The following PRPF38A variants were observed in gnomAD, a reference collection of about 807,000 sequenced individuals.
PRPF38A encodes the protein pre-mRNA-splicing factor 38A.
A neutral mutation model predicts 46.8 loss-of-function variants in PRPF38A; 11 were observed. The observed-to-expected ratio is 0.24, with a 90% confidence interval of 0.15 to 0.39. The LOEUF is 0.39. PRPF38A is among the 10% of genes least tolerant of loss of function. The pLI is 1.00. For synonymous variants in PRPF38A, 124 were observed against 136.2 expected (o/e 0.91, Z 0.62); for missense variants, 261 against 407.5 (o/e 0.64, Z 3.10).
At chr1:52,414,909 A>T in intron 8 of PRPF38A, 50 bp downstream of exon 8, 1 of 1,572,178 alleles carries the variant, frequency 6.4e-7, no homozygotes, top group Non-Finnish European at 8.8e-7. Flanking sequence ...AAGAAATGTA[A>T]AAGGAGTAGT....
chr1:52,405,864 T>A, intron 2 of PRPF38A, 25 bp downstream of exon 2: 4 of 1,604,374 alleles, frequency 2.5e-6, no homozygotes, highest in Non-Finnish European at 3.4e-6. Context: ...CACTAGCTAA[T>A]ATAAGAGGTT....
rs1469980584 is a variant in PRPF38A, at chr1:52,417,309, GT to G, written c.*622del. ...CCTTTATACAGCCCATTTTTTCATA[GT>G]TTCATTTGTTCTTGCCCACAAGCTT... On this transcript the variant is annotated 3_prime_UTR_variant, in exon 10 of 10. Coordinates refer to ENST00000257181, the MANE Select transcript of PRPF38A (RefSeq NM_032864.4). 1.0e-4 allele frequency: 16 copies of G among 152,486 alleles called. No individual in the cohort carries two copies. The highest frequency in any genetic ancestry group is 3.4e-4 in the African/African-American group (14 of 41,572). 9.4% of individuals were successfully genotyped at this position (152,486 alleles called of 1,614,324 possible).
intron 2 of PRPF38A, among the ~76,000 whole-genome samples, chr1:52,406,759 G>A (rs1260430068): frequency 4.6e-5 from 7 of 152,146 alleles, no homozygotes; most frequent in Admixed American, 2.6e-4. Context: ...TAAGGGCTTT[G>A]CATATAATAA....
At chr1:52,411,459 G>A (rs536449461) in intron 4 of PRPF38A, among the ~76,000 whole-genome samples, 2 of 152,284 alleles carry the variant, frequency 1.3e-5, no homozygotes, top group African/African-American at 4.8e-5. Flanking sequence ...TGTAGTTCAG[G>A]TGCATGTGTG....
Position 52,408,754 on chromosome 1 carries a change from C to T in PRPF38A, c.412+64C>T, listed in dbSNP as rs1648069138. On this transcript the variant is annotated intron_variant, in intron 3 of 9. Transcript: ENST00000257181. ...GCCAGTTTTTATTTTACCAGTACTT[C>T]TACCTTTGCATTGTCATAGACAGTG... is the stretch of plus-strand genomic sequence containing the variant. The T allele has an allele frequency of 2.5e-6, 4 of 1,573,112 alleles. No individual in the cohort carries two copies. The African/African-American group carries it at 5.4e-5, about 21-fold the overall frequency.
chr1:52,416,971 C>T lies in PRPF38A; in HGVS notation c.*281C>T, dbSNP rs1569984895. ...TATGACTGACAAGGAAAGGCTGTGG[C>T]CACCTGATGACCCTTTCCCTTTTTA... On this transcript the variant is annotated 3_prime_UTR_variant, in exon 10 of 10. Coordinates refer to ENST00000257181, the MANE Select transcript of PRPF38A (RefSeq NM_032864.4). The T allele has an allele frequency of 4.9e-6, 2 of 406,132 alleles. No homozygotes were observed. The highest frequency in any genetic ancestry group is 4.3e-5 in the East Asian group (1 of 23,216). The allele number at this position is 406,132 out of a possible 1,614,324, so 25.2% of individuals were successfully genotyped here.
At chr1:52,410,060 CA>C (rs1175996670) in intron 3 of PRPF38A, among the ~76,000 whole-genome samples, 1 of 148,502 alleles carries the variant, frequency 6.7e-6, no homozygotes, top group Non-Finnish European at 1.5e-5. Flanking sequence ...TATACACACA[CA>C]TATATATACA....
chr1:52,411,220 TACCAGAGTC>T lies in PRPF38A; in HGVS notation c.498+24_498+32del. 1 of 1,567,316 alleles carries T rather than the reference TACCAGAGTC, an allele frequency of 6.4e-7. No individual in the cohort carries two copies. The highest frequency in any genetic ancestry group is 1.1e-5 in the South Asian group (1 of 90,118). On this transcript the variant is annotated intron_variant, in intron 4 of 9. Transcript: ENST00000257181. Reference sequence around the variant, plus strand: ...CTACAGGTAAGAAATAAAAGTCTGTTACCAGAGTCACCCTTCTCTTCCTAGACGGGCAGA... The same window carrying T: ...CTACAGGTAAGAAATAAAAGTCTGTTACCCTTCTCTTCCTAGACGGGCAGA...
chr1:52,408,404 A>G lies in PRPF38A; in HGVS notation c.291-165A>G, dbSNP rs540876465. 3.2e-5 allele frequency: 28 copies of G among 871,480 alleles called. No homozygotes were observed. The South Asian group carries it at 3.4e-4, about 11-fold the overall frequency. 54.0% of individuals were successfully genotyped at this position (871,480 alleles called of 1,614,324 possible). A position where few individuals can be genotyped will look rare whatever the true frequency, so the allele number is the denominator to read the frequency against. Reference sequence around the variant, plus strand: ...CATGGGAACTTGAACTCAGGTCTCCATATTTTAGCTGTCTTTCTTCTGCTG... The same window carrying G: ...CATGGGAACTTGAACTCAGGTCTCCGTATTTTAGCTGTCTTTCTTCTGCTG... On this transcript the variant is annotated intron_variant, in intron 2 of 9. Coordinates refer to ENST00000257181, the MANE Select transcript of PRPF38A (RefSeq NM_032864.4).
chr1:52,410,110 A>G (rs1439000979), intron 3 of PRPF38A, among the ~76,000 whole-genome samples: 4 of 148,284 alleles, frequency 2.7e-5, no homozygotes, highest in Admixed American at 6.8e-5. Context: ...ATAAATATAC[A>G]TAATCATATA....
In PRPF38A at chr1:52,416,940, T is replaced by G. The variant is rs1157111400; in HGVS notation, c.*250T>G. The G allele has an allele frequency of 2.1e-6, 1 of 465,262 alleles. No homozygotes were observed. The highest frequency in any genetic ancestry group is 3.3e-5 in the Admixed American group (1 of 30,280). The allele number at this position is 465,262 out of a possible 1,614,324, so 28.8% of individuals were successfully genotyped here. A position where few individuals can be genotyped will look rare whatever the true frequency, so the allele number is the denominator to read the frequency against. On this transcript the variant is annotated 3_prime_UTR_variant, in exon 10 of 10. Coordinates refer to ENST00000257181, the MANE Select transcript of PRPF38A (RefSeq NM_032864.4). ...ATGAGAGTATAAAGGATCTGGAGGT[T>G]GGGGATATGACTGACAAGGAAAGGC... is the stretch of plus-strand genomic sequence containing the variant.
chr1:52,404,912 C>G (rs753278776), intron 1 of PRPF38A, 33 bp downstream of exon 1: 1 of 1,609,058 alleles, frequency 6.2e-7, no homozygotes. Context: ...CCTCTCAGCC[C>G]CCTTGTGGCC....
chr1:52,410,058 CACAT>C (rs1463649340), intron 3 of PRPF38A, among the ~76,000 whole-genome samples: 1 of 148,360 alleles, frequency 6.7e-6, no homozygotes, highest in Non-Finnish European at 1.5e-5. Flanking sequence ...TATATACACA[CACAT>C]ATATATACAT....
chr1:52,409,300 C>T (rs530381484), intron 3 of PRPF38A, among the ~76,000 whole-genome samples: 3 of 152,310 alleles, frequency 2.0e-5, no homozygotes, highest in African/African-American at 7.2e-5. Flanking sequence ...CTACATGTAT[C>T]ATTAAACAGT....
rs751917263 is a variant in PRPF38A at position 52,412,617 on chromosome 1, A to G, written c.602A>G (p.Asp201Gly). The G allele has an allele frequency of 6.2e-7, 1 of 1,604,938 alleles. No individual in the cohort carries two copies. Among genetic ancestry groups the G allele is most frequent in the Admixed American group, 1.7e-5 (1 of 59,934 alleles). ...TCCAGTGAAGAGGAAGAAGAGGAGG[A>G]TGAGAAGGTCTGGCACCTGAGACTT... ...VESSEEEEEEDEKLERVPSPD... is the reference protein window; with the variant it reads ...VESSEEEEEEGEKLERVPSPD... The change falls in exon 5 of 10, where the codon GAT becomes GGT. Residue 201 changes from aspartate to glycine, a missense_variant. Coordinates refer to ENST00000257181, the MANE Select transcript of PRPF38A (RefSeq NM_032864.4).
chr1:52,414,715 T>C (rs981980676), intron 7 of PRPF38A, 47 bp from the exon 8 acceptor site: 2 of 1,613,530 alleles, frequency 1.2e-6, no homozygotes, highest in Middle Eastern at 1.7e-4. Flanking sequence ...TGGTGTTATA[T>C]GTATATTGCT....
chr1:52,410,793 C>T (rs1054609761), intron 3 of PRPF38A, among the ~76,000 whole-genome samples: 1 of 152,176 alleles, frequency 6.6e-6, no homozygotes, highest in Non-Finnish European at 1.5e-5. Flanking sequence ...TGAGCCACCA[C>T]TCCTAGCCAG....
chr1:52,409,250 T>A (rs769439112), intron 3 of PRPF38A, among the ~76,000 whole-genome samples: 2 of 152,194 alleles, frequency 1.3e-5, no homozygotes, highest in African/African-American at 2.4e-5. Context: ...CTTTTCTCAC[T>A]TGGTGTCATA....
At position 52,416,999 on chromosome 1, in the gene PRPF38A, A is replaced by G. The variant is rs1247496881; in HGVS notation, c.*309A>G. 2 of 313,594 alleles carry G rather than the reference A, an allele frequency of 6.4e-6. No individual in the cohort carries two copies. The highest frequency in any genetic ancestry group is 4.3e-5 in the African/African-American group (2 of 47,054). The allele number at this position is 313,594 out of a possible 1,614,324, so 19.4% of individuals were successfully genotyped here. A position where few individuals can be genotyped will look rare whatever the true frequency, so the allele number is the denominator to read the frequency against. On this transcript the variant is annotated 3_prime_UTR_variant, in exon 10 of 10. Transcript: ENST00000257181. The stretch of plus-strand genomic sequence containing the variant: ...CCTGATGACCCTTTCCCTTTTTATT[A>G]AACCGGACACACCTGTTTCCCATTT...
Sources: allele counts gnomAD v4.1 joint callset (sites outside exome capture counted in the v4.1 genomes callset), GRCh38; gene constraint gnomAD v4.1.1; transcripts MANE v1.5; gene names NCBI Gene and HGNC (gene_info 2026-07-23, HGNC 2026-07-21).